GRID2: variants seen among roughly 807,000 people sequenced by gnomAD.
GRID2 encodes glutamate ionotropic receptor delta type subunit 2, also known as glutamate receptor ionotropic, delta-2.
In GRID2, 33 loss-of-function variants were observed where a neutral mutation model predicts 114.8. The ratio of observed to expected loss-of-function variants is 0.29; its 90% CI spans 0.22 to 0.38. The LOEUF (loss-of-function observed/expected upper bound fraction) is 0.38, where lower values mean the gene tolerates loss of function less well. Ranked by LOEUF, GRID2 falls within the 10% of genes least tolerant of loss-of-function variation. The pLI is 1.00. For synonymous variants in GRID2, 505 were observed against 449.9 expected (o/e 1.12, Z -1.55); for missense variants, 1,184 against 1,257.7 (o/e 0.94, Z 0.89).
In GRID2 at chr4:93,267,990, C is replaced by T. The variant is rs190846867; in HGVS notation, c.1245+29500C>T. On this transcript the variant is annotated intron_variant, in intron 8 of 15. Coordinates refer to ENST00000282020, the MANE Select transcript of GRID2 (RefSeq NM_001510.4). The stretch of plus-strand genomic sequence containing the variant: ...GGACGCTCCCCTGCGGCCTGGATTG[C>T]CTGGCTATCTGGTGGGAATGTGTAT... 8.5e-5 allele frequency among the ~76,000 whole-genome samples: 13 copies of T among 152,280 alleles called. No individual in the cohort carries two copies. In the East Asian group the frequency reaches 1.9e-3, roughly 23 times the overall value.
At chr4:92,559,261 A>G (rs1727004274) in intron 1 of GRID2, among the ~76,000 whole-genome samples, 1 of 152,208 alleles carries the variant, frequency 6.6e-6, no homozygotes, top group Non-Finnish European at 1.5e-5. Context: ...ACTATCAAAT[A>G]TTGATAAACT....
intron 14 of GRID2, among the ~76,000 whole-genome samples, chr4:93,675,272 A>C (rs776231824): frequency 2.0e-5 from 3 of 152,152 alleles, no homozygotes; most frequent in Non-Finnish European, 4.4e-5. Context: ...CCTTGACTTA[A>C]ATAACTAAAA....
intron 2 of GRID2, among the ~76,000 whole-genome samples, chr4:92,939,067 T>TG (rs1156910795): frequency 2.0e-5 from 3 of 147,222 alleles, no homozygotes; most frequent in Non-Finnish European, 3.0e-5. Flanking sequence ...TATAATCTTT[T>TG]GGGGATATAC....
chr4:92,669,616 GCAAAT>G (rs1013788483), intron 2 of GRID2, among the ~76,000 whole-genome samples: 2 of 151,900 alleles, frequency 1.3e-5, no homozygotes, highest in African/African-American at 4.8e-5. Context: ...CGCCAGAGTT[GCAAAT>G]CAAAAGCCAT....
In GRID2 at chr4:93,541,722, T is replaced by C. The variant is rs561479353; in HGVS notation, c.2193+26311T>C. On this transcript the variant is annotated intron_variant, in intron 13 of 15. Coordinates refer to ENST00000282020, the MANE Select transcript of GRID2 (RefSeq NM_001510.4). The stretch of plus-strand genomic sequence containing the variant: ...GCAGTACGGTTTGGGAGTTGCTCTA[T>C]ACAATGTGACACTTGATCTGAAATA... Among the ~76,000 whole-genome samples, 6 of 152,316 alleles carry C rather than the reference T, an allele frequency of 3.9e-5. No individual in the cohort carries two copies. The South Asian group carries it at 1.2e-3, about 32-fold the overall frequency.
At chr4:93,477,014 T>A (rs1725382750) in intron 11 of GRID2, among the ~76,000 whole-genome samples, 1 of 152,062 alleles carries the variant, frequency 6.6e-6, no homozygotes, top group African/African-American at 2.4e-5. Context: ...AGAGTGGGCA[T>A]GATATAATAA....
At chr4:93,387,622 G>T (rs1247558400) in intron 8 of GRID2, among the ~76,000 whole-genome samples, 1 of 152,132 alleles carries the variant, frequency 6.6e-6, no homozygotes, top group Non-Finnish European at 1.5e-5. Flanking sequence ...CTGAGGTCAG[G>T]AGTTTGAGAC....
At chr4:93,424,099 A>C (rs1199329079) in intron 10 of GRID2, among the ~76,000 whole-genome samples, 1 of 151,956 alleles carries the variant, frequency 6.6e-6, no homozygotes, top group African/African-American at 2.4e-5. Flanking sequence ...TCAGCAATAT[A>C]ATTTTATTTG....
intron 2 of GRID2, among the ~76,000 whole-genome samples, chr4:93,017,778 GCCAGGA>G (rs1722892939): frequency 7.1e-6 from 1 of 140,362 alleles, no homozygotes; most frequent in South Asian, 2.2e-4. Flanking sequence ...CAGGACTCCA[GCCAGGA>G]CAGAGCAAGG....
intron 2 of GRID2, among the ~76,000 whole-genome samples, chr4:92,772,492 C>T (rs1738589862): frequency 6.6e-6 from 1 of 152,110 alleles, no homozygotes; most frequent in African/African-American, 2.4e-5. Context: ...AGCAGTGGCA[C>T]ATTCATGAAA....
intron 1 of GRID2, among the ~76,000 whole-genome samples, chr4:92,531,349 A>T (rs1725346548): frequency 6.6e-6 from 1 of 152,202 alleles, no homozygotes; most frequent in African/African-American, 2.4e-5. Flanking sequence ...GTAAAAACAC[A>T]GTCTAGATTA....
intron 2 of GRID2, among the ~76,000 whole-genome samples, chr4:92,724,993 C>G (rs376430843): frequency 2.0e-5 from 3 of 152,028 alleles, no homozygotes; most frequent in Non-Finnish European, 4.4e-5. Flanking sequence ...CTATTACCAC[C>G]GTTTATTAAG....
At chr4:92,898,150 A>T (rs1208715391) in intron 2 of GRID2, among the ~76,000 whole-genome samples, 1 of 152,156 alleles carries the variant, frequency 6.6e-6, no homozygotes, top group Non-Finnish European at 1.5e-5. Context: ...AATACATGGG[A>T]TATATCAATG....
At chr4:93,485,321 A>G (rs1170859840) in intron 11 of GRID2, among the ~76,000 whole-genome samples, 1 of 151,824 alleles carries the variant, frequency 6.6e-6, no homozygotes, top group African/African-American at 2.4e-5. Flanking sequence ...TATTATAAAT[A>G]TCTTCTACTG....
intron 2 of GRID2, among the ~76,000 whole-genome samples, chr4:92,806,529 AT>A (rs1740424152): frequency 6.6e-6 from 1 of 151,644 alleles, no homozygotes; most frequent in Non-Finnish European, 1.5e-5. Flanking sequence ...TACAATATAT[AT>A]TTTCTTTTAT....
At chr4:92,457,806 A>C (rs1720419358) in intron 1 of GRID2, among the ~76,000 whole-genome samples, 1 of 152,162 alleles carries the variant, frequency 6.6e-6, no homozygotes, top group South Asian at 2.1e-4. Context: ...TCAGAATGTA[A>C]TTGTGATGAA....
chr4:93,588,873 A>C lies in GRID2; in HGVS notation c.2194-37396A>C, dbSNP rs146738530. 3.4e-4 allele frequency among the ~76,000 whole-genome samples: 52 copies of C among 152,238 alleles called. No homozygotes were observed. In the East Asian group the frequency reaches 9.3e-3, roughly 27 times the overall value. On this transcript the variant is annotated intron_variant, in intron 13 of 15. Transcript: ENST00000282020. ...ACAACACTGGACCTGCTTTCCAGCT[A>C]TACAACAAGCAGCAGGTTCCTGATT...
chr4:93,427,312 G>T lies in GRID2; in HGVS notation c.1545+4344G>T, dbSNP rs545682265. ...TGAAATGGCATAAAAATGTTATGAT[G>T]GAGCTCCAGAAAAGCAAGCTTATTA... On this transcript the variant is annotated intron_variant, in intron 10 of 15. Coordinates refer to ENST00000282020, the MANE Select transcript of GRID2 (RefSeq NM_001510.4). Among the ~76,000 whole-genome samples the T allele has an allele frequency of 2.0e-5, 3 of 151,976 alleles. No individual in the cohort carries two copies. The East Asian group carries it at 5.8e-4, about 29-fold the overall frequency.
chr4:93,148,813 A>T (rs1005568528), intron 4 of GRID2, among the ~76,000 whole-genome samples: 1 of 152,144 alleles, frequency 6.6e-6, no homozygotes, highest in African/African-American at 2.4e-5. Context: ...GGCATATCCT[A>T]ATTGTGGTAG....
Sources: gnomAD v4.1 joint callset for allele counts (sites outside exome capture counted in the v4.1 genomes callset) on GRCh38, gnomAD v4.1.1 for gene constraint, MANE v1.5 for transcripts, NCBI Gene and HGNC (gene_info 2026-07-23, HGNC 2026-07-21) for gene names.